GPC6: variants seen among roughly 807,000 people sequenced by gnomAD.
GPC6 encodes the protein glypican-6.
A neutral mutation model predicts 55.2 loss-of-function variants in GPC6; 14 were observed. The observed-to-expected ratio is 0.25, with a 90% CI of 0.17 to 0.40. The LOEUF (loss-of-function observed/expected upper bound fraction) is 0.40. GPC6 is among the 10% of genes least tolerant of loss of function. The pLI is 1.00. For missense variants in GPC6, 641 were observed against 708.5 expected, an observed-to-expected ratio of 0.90 and a Z score of 1.08; for synonymous variants, 278 against 259.6, an observed-to-expected ratio of 1.07 and a Z score of -0.68.
intron 1 of GPC6, among the ~76,000 whole-genome samples, chr13:93,492,680 T>C (rs915838177): frequency 2.0e-5 from 3 of 151,112 alleles, no homozygotes; most frequent in Non-Finnish European, 3.0e-5. Context: ...GCTCTTATTA[T>C]TTTGAAATAC....
At chr13:94,215,345 G>T (rs1284363091) in intron 4 of GPC6, among the ~76,000 whole-genome samples, 1 of 151,962 alleles carries the variant, frequency 6.6e-6, no homozygotes, top group Non-Finnish European at 1.5e-5. Flanking sequence ...ATTTTGTCAT[G>T]GGCTTTATCT....
chr13:93,230,776 T>A (rs1217729243), intron 1 of GPC6, among the ~76,000 whole-genome samples: 1 of 152,084 alleles, frequency 6.6e-6, no homozygotes, highest in African/African-American at 2.4e-5. Context: ...ATCCTCCTCA[T>A]GTTGGTGGCT....
intron 7 of GPC6, among the ~76,000 whole-genome samples, chr13:94,388,841 G>T (rs1880525735): frequency 6.6e-6 from 1 of 152,142 alleles, no homozygotes; most frequent in Admixed American, 6.5e-5. Context: ...GTACCTAAGA[G>T]GTACCAAAGG....
chr13:93,951,411 A>AT (rs1216933085), intron 3 of GPC6, among the ~76,000 whole-genome samples: 3 of 152,130 alleles, frequency 2.0e-5, no homozygotes, highest in South Asian at 2.1e-4. Flanking sequence ...TATGCCAGTC[A>AT]TTTTTTGTTT....
At chr13:93,283,335 A>G (rs903965598) in intron 1 of GPC6, among the ~76,000 whole-genome samples, 1 of 152,218 alleles carries the variant, frequency 6.6e-6, no homozygotes, top group Non-Finnish European at 1.5e-5. Context: ...CGGTTGAGAA[A>G]AACAAAATGT....
At chr13:93,345,040 A>G (rs1385099507) in intron 1 of GPC6, among the ~76,000 whole-genome samples, 1 of 152,130 alleles carries the variant, frequency 6.6e-6, no homozygotes, top group Admixed American at 6.6e-5. Flanking sequence ...TAGCCTAGTA[A>G]GAGAAGAACA....
chr13:93,827,688 G>A (rs1236376935), intron 2 of GPC6, among the ~76,000 whole-genome samples: 1 of 152,152 alleles, frequency 6.6e-6, no homozygotes, highest in Non-Finnish European at 1.5e-5. Context: ...AGACAACAAT[G>A]TAAGCTTGGA....
chr13:93,965,457 G>T (rs916658196), intron 3 of GPC6, among the ~76,000 whole-genome samples: 26 of 152,100 alleles, frequency 1.7e-4, no homozygotes, highest in Non-Finnish European at 4.4e-5. Context: ...CAATTCATTC[G>T]GTCAAGAGGA....
intron 2 of GPC6, among the ~76,000 whole-genome samples, chr13:93,667,703 T>C (rs1881196970): frequency 6.7e-6 from 1 of 150,304 alleles, no homozygotes; most frequent in Admixed American, 6.7e-5. Context: ...GCTGGGATTA[T>C]AGGTGTAAAC....
chr13:93,566,570 C>G (rs1366838105), intron 2 of GPC6, among the ~76,000 whole-genome samples: 1 of 134,830 alleles, frequency 7.4e-6, no homozygotes, highest in Non-Finnish European at 1.6e-5. Flanking sequence ...ACTTTTTTTT[C>G]TTTTTGTTAT....
rs1213087868 is a variant in GPC6, at chr13:93,640,808, CTTCCTTCT to C, written c.319+95395_319+95402del. Among the ~76,000 whole-genome samples the C allele has an allele frequency of 7.7e-5, 6 of 78,228 alleles. 1 individual carries two copies. Among genetic ancestry groups the C allele is most frequent in the African/African-American group, 1.6e-4 (4 of 25,330 alleles). The allele number at this position is 78,228 out of a possible 152,430, so 51.3% of individuals were successfully genotyped here. A position where few individuals can be genotyped will look rare whatever the true frequency, so the allele number is the denominator to read the frequency against. ...CCCTCCCTTCCTCCTTCCTTCCTTC[CTTCCTTCT>C]TTCCTTCCTTCCTTTGTTCCTTCCT... On this transcript the variant is annotated intron_variant, in intron 2 of 8. Transcript: ENST00000377047.
At chr13:94,034,328 A>C (rs973005620) in intron 4 of GPC6, among the ~76,000 whole-genome samples, 6 of 152,184 alleles carry the variant, frequency 3.9e-5, no homozygotes, top group African/African-American at 1.4e-4. Flanking sequence ...CTAAGTTTAG[A>C]AAACGGTTTA....
At chr13:93,256,425 G>C (rs927295166) in intron 1 of GPC6, among the ~76,000 whole-genome samples, 1 of 151,874 alleles carries the variant, frequency 6.6e-6, no homozygotes, top group Non-Finnish European at 1.5e-5. Flanking sequence ...TTTTGGAGCA[G>C]TAATCACTTT....
chr13:93,692,797 A>G (rs1386080490), intron 2 of GPC6, among the ~76,000 whole-genome samples: 2 of 152,126 alleles, frequency 1.3e-5, no homozygotes. Context: ...CTCTATATTT[A>G]TATAATCAGT....
intron 3 of GPC6, among the ~76,000 whole-genome samples, chr13:93,900,449 C>T (rs1490929552): frequency 1.3e-5 from 2 of 152,086 alleles, no homozygotes; most frequent in African/African-American, 2.4e-5. Context: ...CATAGAAACA[C>T]AAGGTAACAC....
chr13:94,401,454 A>T (rs1881123680), intron 8 of GPC6, among the ~76,000 whole-genome samples: 2 of 152,164 alleles, frequency 1.3e-5, no homozygotes, highest in African/African-American at 4.8e-5. Context: ...AGAAGTGGAA[A>T]TAGGGAAGAA....
intron 1 of GPC6, among the ~76,000 whole-genome samples, chr13:93,537,988 C>A (rs1350083112): frequency 6.6e-6 from 1 of 152,054 alleles, no homozygotes; most frequent in Non-Finnish European, 1.5e-5. Context: ...AAATGAACAG[C>A]ACTTTCATAC....
intron 4 of GPC6, among the ~76,000 whole-genome samples, chr13:94,037,853 G>A (rs1883393412): frequency 6.6e-6 from 1 of 152,000 alleles, no homozygotes; most frequent in African/African-American, 2.4e-5. Flanking sequence ...AATTTTCTGT[G>A]ATGATGGAAA....
intron 1 of GPC6, among the ~76,000 whole-genome samples, chr13:93,403,749 G>A (rs1300513998): frequency 6.6e-6 from 1 of 152,042 alleles, no homozygotes; most frequent in Non-Finnish European, 1.5e-5. Context: ...GGCAATTGGA[G>A]CCTTCTTTGT....
Sources: gnomAD v4.1 joint callset for allele counts (sites outside exome capture counted in the v4.1 genomes callset) on GRCh38, gnomAD v4.1.1 for gene constraint, MANE v1.5 for transcripts, NCBI Gene and HGNC (gene_info 2026-07-23, HGNC 2026-07-21) for gene names.